Variants in ATAD2 observed in about 807,000 individuals in gnomAD.
ATAD2 encodes ATPase family AAA domain-containing protein 2.
Under a neutral mutation model 168.9 loss-of-function variants are expected in ATAD2, and 62 were observed. That is an observed-to-expected ratio of 0.37 (90% CI 0.30 to 0.45). ATAD2 has a LOEUF of 0.45. Among genes scored for constraint, ATAD2 ranks in the 20% least tolerant of loss-of-function variants. ATAD2 has a pLI of 1.00. For synonymous variants in ATAD2, 613 were observed against 571.6 expected (o/e 1.07, Z -1.03); for missense variants, 1,419 against 1,667.8 (o/e 0.85, Z 2.60).
chr8:123,355,037 T>C (rs1457752432), intron 13 of ATAD2, among the ~76,000 whole-genome samples: 4 of 151,556 alleles, frequency 2.6e-5, no homozygotes, highest in Non-Finnish European at 5.9e-5. Flanking sequence ...TCCTTCCTGT[T>C]AGCACAATGA....
At chr8:123,343,198 ACTC>A (rs555464549) in intron 19 of ATAD2, among the ~76,000 whole-genome samples, 103 of 151,052 alleles carry the variant, frequency 6.8e-4, no homozygotes, top group Non-Finnish European at 1.1e-3. Flanking sequence ...CTGGTCTTGA[ACTC>A]CTGATCTCAG....
chr8:123,396,260 T>G lies in ATAD2; in HGVS notation c.98A>C (p.His33Pro). Residue 33 changes from histidine to proline, a missense_variant, in exon 1 of 28, where the codon CAC becomes CCC. His to Pro is a moderately conservative substitution (Grantham distance 77, BLOSUM62 -2). Around this residue, in one of 5 missense-constraint regions of ATAD2, gnomAD observed 419 missense variants for 423.5 expected, o/e 0.99. Coordinates refer to ENST00000287394, the MANE Select transcript of ATAD2 (RefSeq NM_014109.4). ...CGAGCGGAGCCGCCTCCGGCCGATG[T>G]GCTCCAGACTGAGGAAGTCACTGGA... ...DLSSDFLSLE[H>P]IGRRRLRSAG... 6.2e-7 allele frequency: 1 copy of G among 1,610,526 alleles called. No individual in the cohort carries two copies. Among genetic ancestry groups the G allele is most frequent in the Non-Finnish European group, 8.5e-7 (1 of 1,179,470 alleles).
chr8:123,358,951 G>A (rs904946652), intron 11 of ATAD2, among the ~76,000 whole-genome samples: 6 of 148,812 alleles, frequency 4.0e-5, no homozygotes, highest in African/African-American at 7.4e-5. Flanking sequence ...TAATCCACCC[G>A]CCTTGGCCCC....
chr8:123,371,791 C>G lies in ATAD2; in HGVS notation c.415G>C (p.Val139Leu), dbSNP rs763753239. Residue 139 changes from valine to leucine, a missense_variant, in exon 4 of 28, where the codon GTT becomes CTT. Physicochemically the swap from Val to Leu is conservative, Grantham distance 32. Coordinates refer to ENST00000287394, the MANE Select transcript of ATAD2 (RefSeq NM_014109.4). ...VTRSLRARNI[V>L]QSTEHLHEDN... The stretch of plus-strand genomic sequence containing the variant: ...TCATGTAAGTGTTCTGTACTTTGAA[C>G]GATGTTTCTAGCCCTCAATGACCGA... 3.1e-6 allele frequency: 5 copies of G among 1,611,678 alleles called. No individual in the cohort carries two copies. In the African/African-American group the frequency reaches 6.7e-5, roughly 22 times the overall value.
chr8:123,328,405 G>A lies in ATAD2; in HGVS notation c.3653C>T (p.Thr1218Ile), dbSNP rs372363443. ...TSVDHNETGN[T>I]GESSVEENEK... ...ATTTTCTTCCACCGAAGACTCTCCT[G>A]TGTTTCCGGTCTCATTATGATCTAC... The change falls in exon 25 of 28, where the codon ACA (threonine) becomes ATA (isoleucine). Residue 1218 changes from threonine (T) to isoleucine (I), a missense_variant. Around this residue, in one of 5 missense-constraint regions of ATAD2, gnomAD observed 303 missense variants for 304.3 expected, o/e 1.00. Coordinates refer to ENST00000287394, the MANE Select transcript of ATAD2 (RefSeq NM_014109.4). 21 of 1,566,592 alleles carry A rather than the reference G, an allele frequency of 1.3e-5. No homozygotes were observed. The highest frequency in any genetic ancestry group is 3.6e-5 in the South Asian group (3 of 82,440).
chr8:123,350,623 C>T (rs1828419979), intron 13 of ATAD2, among the ~76,000 whole-genome samples: 1 of 152,092 alleles, frequency 6.6e-6, no homozygotes, highest in South Asian at 2.1e-4. Context: ...GAATTTCCTT[C>T]CCACGTTCTG....
chr8:123,337,633 G>T lies in ATAD2; in HGVS notation c.3043C>A (p.Pro1015Thr). 6.2e-7 allele frequency: 1 copy of T among 1,604,078 alleles called. No homozygotes were observed. The highest frequency in any genetic ancestry group is 8.5e-7 in the Non-Finnish European group (1 of 1,175,482). Residue 1015 changes from proline (P) to threonine (T), a missense_variant, in exon 21 of 28, where the codon CCT becomes ACT. Transcript: ENST00000287394. ...AAAGATTAAACTAATACCTCATCAG[G>T]GTCAACAGGCTTAGTAAACACTCGG... ...RFRVFTKPVD[P>T]DEVPDYVTVI...
Position 123,328,278 on chromosome 8 carries a change from T to A in ATAD2, c.3780A>T (p.Ala1260=). 6.3e-7 allele frequency: 1 copy of A among 1,590,666 alleles called. No homozygotes were observed. Among genetic ancestry groups the A allele is most frequent in the South Asian group, 1.2e-5 (1 of 83,798 alleles). Residue 1260 remains alanine, a synonymous_variant, in exon 25 of 28, where the codon GCA becomes GCT. Coordinates refer to ENST00000287394, the MANE Select transcript of ATAD2 (RefSeq NM_014109.4). ...NELEDSRKTT[A]CTELRDKIAC... is the part of the protein sequence containing the mutation. ...CAATCTTGTCTCTCAATTCTGTACATGCTGTAGTCTTCCTAGAGTCTTCAA... is the reference window on the plus strand; with the variant it reads ...CAATCTTGTCTCTCAATTCTGTACAAGCTGTAGTCTTCCTAGAGTCTTCAA...
At position 123,337,712 on chromosome 8, in the gene ATAD2, T is replaced by C; in HGVS notation, c.2964A>G (p.Glu988=). 6.2e-7 allele frequency: 1 copy of C among 1,613,822 alleles called. No homozygotes were observed. The highest frequency in any genetic ancestry group is 8.5e-7 in the Non-Finnish European group (1 of 1,179,870). Residue 988 remains glutamate (E), a synonymous_variant, in exon 21 of 28, where the codon GAA becomes GAG. Transcript: ENST00000287394. ...TAACATTTCTTAAGAAAATCCTCAG[T>C]TCTCTAAATGTATCTTCTTCTTGTT... ...LEEQEEDTFR[E]LRIFLRNVTH...
intron 24 of ATAD2, 41 bp downstream of exon 24, chr8:123,333,837 A>T: frequency 1.3e-6 from 2 of 1,543,154 alleles, no homozygotes; most frequent in Admixed American, 3.9e-5. Context: ...AGAAAAGAAT[A>T]AAGTTATAAT....
chr8:123,394,651 G>A (rs1007345449), intron 1 of ATAD2, among the ~76,000 whole-genome samples: 15 of 152,008 alleles, frequency 9.9e-5, no homozygotes, highest in African/African-American at 3.6e-4. Context: ...AAAAAAAAGA[G>A]CCTATGTATT....
chr8:123,336,565 T>C, intron 21 of ATAD2, 33 bp from the exon 22 acceptor site: 2 of 1,463,918 alleles, frequency 1.4e-6, no homozygotes, highest in Middle Eastern at 1.8e-4. Context: ...AATCACAAAA[T>C]TAACTCTAAA....
chr8:123,337,080 G>T (rs961593638), intron 21 of ATAD2, among the ~76,000 whole-genome samples: 9 of 151,382 alleles, frequency 5.9e-5, no homozygotes, highest in African/African-American at 2.2e-4. Flanking sequence ...AAAAAAGGGG[G>T]GGCCGAGCAT....
Position 123,402,799 on chromosome 8 carries a change from A to C in ATAD2, c.-2281-1624T>G, listed in dbSNP as rs1484950348. Among the ~76,000 whole-genome samples, 2 of 144,862 alleles carry C rather than the reference A, an allele frequency of 1.4e-5. No individual in the cohort carries two copies. The highest frequency in any genetic ancestry group is 3.0e-5 in the Non-Finnish European group (2 of 66,734). On this transcript the variant is annotated intron_variant, in intron 1 of 28. Transcript: ENST00000521903. The surrounding 1 kb of genome is among the most constrained non-coding windows in gnomAD (Gnocchi z 4.8). ...GTGTATTAAATAATCAGAATAAATC[A>C]AGCAGGTCTCAATGCCAATAATAAT...
At chr8:123,385,507 A>T (rs1313581919) in intron 1 of ATAD2, among the ~76,000 whole-genome samples, 4 of 152,206 alleles carry the variant, frequency 2.6e-5, no homozygotes, top group African/African-American at 9.6e-5. Flanking sequence ...ATGAGGGGGA[A>T]GTTGAGATGA....
rs1189072501 is a variant in ATAD2, at chr8:123,359,598, A to C, written c.1245T>G (p.Asp415Glu). 6.2e-7 allele frequency: 1 copy of C among 1,612,674 alleles called. No homozygotes were observed. Among genetic ancestry groups the C allele is most frequent in the East Asian group, 2.2e-5 (1 of 44,852 alleles). Residue 415 changes from aspartate (D) to glutamate (E), a missense_variant, in exon 10 of 28, where the codon GAT (aspartate) becomes GAG (glutamate). Physicochemically the swap from Asp to Glu is conservative, Grantham distance 45. Coordinates refer to ENST00000287394, the MANE Select transcript of ATAD2 (RefSeq NM_014109.4). ...MKIGASLADV[D>E]PMQLDSSVRF... The stretch of plus-strand genomic sequence containing the variant: ...TCACTGAAGAATCTAGTTGCATTGG[A>C]TCAACATCGGCAAGGCTTGCTCCAA...
At chr8:123,339,196 C>G (rs1467223725) in intron 20 of ATAD2, 115 bp downstream of exon 20, 1 of 940,686 alleles carries the variant, frequency 1.1e-6, no homozygotes, top group African/African-American at 1.7e-5. Flanking sequence ...GCAGATGCAT[C>G]AACCTCATGA....
At chr8:123,390,205 C>A (rs1204383421) in intron 1 of ATAD2, among the ~76,000 whole-genome samples, 1 of 151,822 alleles carries the variant, frequency 6.6e-6, no homozygotes, top group Non-Finnish European at 1.5e-5. Context: ...TCTTGAACTT[C>A]TGATCTCCGG....
At chr8:123,371,578 T>C (rs1829149326) in intron 4 of ATAD2, 92 bp downstream of exon 4, 3 of 1,199,572 alleles carry the variant, frequency 2.5e-6, no homozygotes, top group Non-Finnish European at 3.5e-6. Flanking sequence ...GTAGAATGCA[T>C]TAAATGTTTG....
Sources: gnomAD v4.1 joint callset for allele counts (sites outside exome capture counted in the v4.1 genomes callset) on GRCh38, gnomAD v4.1.1 for gene constraint, gnomAD v4.1.1 regional missense constraint, Gnocchi (gnomAD v3.1) non-coding constraint, MANE v1.5 for transcripts, NCBI Gene and HGNC (gene_info 2026-07-23, HGNC 2026-07-21) for gene names.